The following NPNT variants were observed in gnomAD, a reference collection of about 807,000 sequenced individuals.
The protein encoded by NPNT is nephronectin, also known as preosteoblast EGF-like repeat protein with MAM domain.
NPNT carries 45 observed loss-of-function variants against 68.6 expected under a neutral mutation model. The ratio of observed to expected loss-of-function variants is 0.66; its 90% CI spans 0.52 to 0.84. The LOEUF (loss-of-function observed/expected upper bound fraction) is 0.84, where lower values mean the gene tolerates loss of function less well. Among genes scored for constraint, NPNT ranks in the 40% least tolerant of loss-of-function variants. The pLI, the probability that NPNT is intolerant of heterozygous loss-of-function variation, is 0.00. For missense variants in NPNT, 672 were observed against 714.8 expected, an observed-to-expected ratio of 0.94 and a Z score of 0.68; for synonymous variants, 233 against 253.3, an observed-to-expected ratio of 0.92 and a Z score of 0.76.
chr4:105,910,476 T>C (rs1399547729), intron 2 of NPNT, among the ~76,000 whole-genome samples: 1 of 151,370 alleles, frequency 6.6e-6, no homozygotes, highest in Non-Finnish European at 1.5e-5. Context: ...CCTATTTTAG[T>C]GAATGTTTTA....
chr4:105,959,171 GA>G, intron 10 of NPNT, 45 bp downstream of exon 10: 3 of 1,191,626 alleles, frequency 2.5e-6, no homozygotes, highest in Non-Finnish European at 3.8e-6. Flanking sequence ...ATTTCAATGT[GA>G]TACTATCTGA....
At chr4:105,930,317 C>G (rs538230583) in intron 3 of NPNT, among the ~76,000 whole-genome samples, 67 of 152,270 alleles carry the variant, frequency 4.4e-4, no homozygotes, top group Non-Finnish European at 6.9e-4. Flanking sequence ...GTTCTTAGTC[C>G]TGAACACTGT....
chr4:105,961,015 T>C (rs1731678883), intron 10 of NPNT, among the ~76,000 whole-genome samples: 1 of 152,220 alleles, frequency 6.6e-6, no homozygotes, highest in African/African-American at 2.4e-5. Flanking sequence ...TTGCATTTCT[T>C]CTATTGTGAA....
intron 2 of NPNT, among the ~76,000 whole-genome samples, chr4:105,915,000 T>C (rs1727685659): frequency 6.6e-6 from 1 of 152,214 alleles, no homozygotes; most frequent in African/African-American, 2.4e-5. Flanking sequence ...GAGAAATTAA[T>C]ATTTTAGAGG....
chr4:105,963,002 A>G (rs1731851156), intron 10 of NPNT, among the ~76,000 whole-genome samples: 1 of 152,094 alleles, frequency 6.6e-6, no homozygotes, highest in Admixed American at 6.6e-5. Context: ...AGGTGGGTGG[A>G]TCACCTGAGG....
At chr4:105,912,611 G>T in intron 2 of NPNT, 1 of 959,870 alleles carries the variant, frequency 1.0e-6, no homozygotes, top group Admixed American at 5.7e-5. Flanking sequence ...ACCTGAGGGA[G>T]TTGTATTTCA....
At chr4:105,907,745 AG>A (rs1727028397) in intron 2 of NPNT, among the ~76,000 whole-genome samples, 1 of 152,218 alleles carries the variant, frequency 6.6e-6, no homozygotes. Context: ...TATAAGGTAA[AG>A]AATTCATTAA....
At chr4:105,941,159 T>A (rs1451810418) in intron 7 of NPNT, among the ~76,000 whole-genome samples, 2 of 151,954 alleles carry the variant, frequency 1.3e-5, no homozygotes, top group Non-Finnish European at 2.9e-5. Flanking sequence ...GGCAACATAA[T>A]GAGACCCTGT....
At chr4:105,896,853 G>C (rs1461096901) in intron 1 of NPNT, among the ~76,000 whole-genome samples, 1 of 152,162 alleles carries the variant, frequency 6.6e-6, no homozygotes, top group African/African-American at 2.4e-5. Context: ...GGGTAGAAAG[G>C]CAGGTAAAAG....
intron 2 of NPNT, among the ~76,000 whole-genome samples, chr4:105,924,276 C>G (rs1034894524): frequency 6.6e-6 from 1 of 152,132 alleles, no homozygotes; most frequent in Non-Finnish European, 1.5e-5. Context: ...CACTTGCCTA[C>G]TATAATACAT....
chr4:105,913,602 A>G (rs1727553077), intron 2 of NPNT, among the ~76,000 whole-genome samples: 1 of 152,220 alleles, frequency 6.6e-6, no homozygotes, highest in Admixed American at 6.5e-5. Context: ...TGTGTTCTCA[A>G]TATATACAAT....
At chr4:105,931,833 C>G (rs1328534317) in intron 3 of NPNT, among the ~76,000 whole-genome samples, 3 of 151,888 alleles carry the variant, frequency 2.0e-5, no homozygotes, top group African/African-American at 4.8e-5. Context: ...GAGCAAGACT[C>G]CATCTAAAAA....
intron 1 of NPNT, among the ~76,000 whole-genome samples, chr4:105,896,620 C>A (rs952304741): frequency 9.9e-5 from 15 of 152,192 alleles, no homozygotes; most frequent in African/African-American, 3.4e-4. Context: ...GCGACCTCTG[C>A]CCCCACCCCT....
intron 5 of NPNT, among the ~76,000 whole-genome samples, chr4:105,939,381 A>G (rs1437806415): frequency 1.3e-5 from 2 of 152,190 alleles, no homozygotes; most frequent in African/African-American, 4.8e-5. Flanking sequence ...AAGAAGGTCC[A>G]TGTAGCTCAA....
chr4:105,898,369 T>TCTCTCTCTCTCTCTCTCTCTCTCTCTCA (rs1560882016), intron 2 of NPNT, among the ~76,000 whole-genome samples: 1 of 128,812 alleles, frequency 7.8e-6, no homozygotes, highest in Non-Finnish European at 1.6e-5. Flanking sequence ...TCTCTCTCTC[T>TCTCTCTCTCTCTCTCTCTCTCTCTCTCA]CTCTCTCTCT....
chr4:105,954,959 C>G (rs1731103660), intron 8 of NPNT, among the ~76,000 whole-genome samples: 1 of 152,216 alleles, frequency 6.6e-6, no homozygotes, highest in South Asian at 2.1e-4. Flanking sequence ...TGCTTTATAA[C>G]AAGCTCTTAG....
chr4:105,917,968 T>TG (rs1457536194), intron 2 of NPNT, among the ~76,000 whole-genome samples: 5 of 152,148 alleles, frequency 3.3e-5, no homozygotes, highest in Non-Finnish European at 7.4e-5. Context: ...CAGAATGGCA[T>TG]GCTGAAATCA....
chr4:105,955,406 C>A (rs986682440), intron 8 of NPNT, among the ~76,000 whole-genome samples: 1 of 152,056 alleles, frequency 6.6e-6, no homozygotes, highest in Non-Finnish European at 1.5e-5. Flanking sequence ...CATAGCCTTG[C>A]GTTCAACAAG....
At chr4:105,901,836 T>C (rs1726447434) in intron 2 of NPNT, among the ~76,000 whole-genome samples, 1 of 152,194 alleles carries the variant, frequency 6.6e-6, no homozygotes, top group South Asian at 2.1e-4. Flanking sequence ...ACATAGGGAC[T>C]GAGATATAGT....
Sources: gnomAD v4.1 joint callset for allele counts (sites outside exome capture counted in the v4.1 genomes callset) on GRCh38, gnomAD v4.1.1 for gene constraint, MANE v1.5 for transcripts, NCBI Gene and HGNC (gene_info 2026-07-23, HGNC 2026-07-21) for gene names.